PALM2AKAP2: variants seen among roughly 807,000 people sequenced by gnomAD.
The protein encoded by PALM2AKAP2 is PALM2 and AKAP2 fusion, also known as PALM2-AKAP2 fusion protein.
Under a neutral mutation model 71.5 loss-of-function variants are expected in PALM2AKAP2, and 37 were observed. The ratio of observed to expected loss-of-function variants is 0.52; its 90% CI spans 0.40 to 0.68. The LOEUF (loss-of-function observed/expected upper bound fraction) is 0.68. Among genes scored for constraint, PALM2AKAP2 ranks in the 30% least tolerant of loss-of-function variants. The pLI, the probability that PALM2AKAP2 is intolerant of heterozygous loss-of-function variation, is 0.00. For synonymous variants in PALM2AKAP2, 468 were observed against 478.8 expected, an observed-to-expected ratio of 0.98 and a Z score of 0.29; for missense variants, 1,224 against 1,191.8, an observed-to-expected ratio of 1.03 and a Z score of -0.40.
intron 3 of PALM2AKAP2, among the ~76,000 whole-genome samples, chr9:109,888,516 C>G (rs537913380): frequency 1.3e-5 from 2 of 151,990 alleles, no homozygotes; most frequent in Admixed American, 6.6e-5. Context: ...CGAGACCAGC[C>G]TGGCCAACAT....
chr9:109,878,883 G>A (rs9408825), intron 2 of PALM2AKAP2, among the ~76,000 whole-genome samples: 53,582 of 152,056 alleles, frequency 0.35, 10,136 homozygotes, highest in Non-Finnish European at 0.43. Context: ...GATTACAGGC[G>A]CATGCCATCA....
intron 1 of PALM2AKAP2, among the ~76,000 whole-genome samples, chr9:110,078,583 C>G (rs925442406): frequency 1.3e-5 from 2 of 152,146 alleles, no homozygotes; most frequent in Non-Finnish European, 2.9e-5. Flanking sequence ...TTCAGATATT[C>G]TTAGTGTTTG....
At chr9:110,053,849 A>G (rs966229367) in intron 1 of PALM2AKAP2, among the ~76,000 whole-genome samples, 1 of 152,192 alleles carries the variant, frequency 6.6e-6, no homozygotes, top group African/African-American at 2.4e-5. Flanking sequence ...AGGGAAGGAG[A>G]GAGACCTGTG....
intron 3 of PALM2AKAP2, among the ~76,000 whole-genome samples, chr9:109,910,739 G>A (rs1355732387): frequency 2.0e-5 from 3 of 151,812 alleles, no homozygotes; most frequent in South Asian, 2.1e-4. Flanking sequence ...GCAGCAGGGC[G>A]GTGAGGGCAG....
At chr9:110,035,294 A>G (rs1833364348) in intron 7 of PALM2AKAP2, among the ~76,000 whole-genome samples, 2 of 145,850 alleles carry the variant, frequency 1.4e-5, no homozygotes, top group Non-Finnish European at 3.0e-5. Flanking sequence ...TATTGTACAT[A>G]TGTATAATAC....
At chr9:109,797,242 G>A (rs1239502269) in intron 1 of PALM2AKAP2, among the ~76,000 whole-genome samples, 1 of 152,226 alleles carries the variant, frequency 6.6e-6, no homozygotes, top group African/African-American at 2.4e-5. Context: ...CATGGGAAGG[G>A]AAGCTTCTAG....
intron 6 of PALM2AKAP2, among the ~76,000 whole-genome samples, chr9:109,963,012 G>C (rs1831880323): frequency 6.6e-6 from 1 of 152,198 alleles, no homozygotes; most frequent in African/African-American, 2.4e-5. Flanking sequence ...ACTTGTGCTT[G>C]TGTACAATTG....
At chr9:110,014,779 CAAAAAAAAAAAAA>C (rs57087790) in intron 6 of PALM2AKAP2, among the ~76,000 whole-genome samples, 1 of 16,586 alleles carries the variant, frequency 6.0e-5, no homozygotes, top group Non-Finnish European at 9.7e-5. Context: ...TCCTCTGTCT[CAAAAAAAAAAAAA>C]AAAAAAAAAA....
intron 2 of PALM2AKAP2, among the ~76,000 whole-genome samples, chr9:110,140,138 T>G (rs1835990417): frequency 6.6e-6 from 1 of 152,228 alleles, no homozygotes; most frequent in Non-Finnish European, 1.5e-5. Flanking sequence ...AAACTTCATT[T>G]ATTTATGTCG....
At chr9:109,678,513 G>C (rs10512399) in intron 1 of PALM2AKAP2, among the ~76,000 whole-genome samples, 1 of 152,068 alleles carries the variant, frequency 6.6e-6, no homozygotes, top group Admixed American at 6.5e-5. Flanking sequence ...TTATATTCAA[G>C]GTGAGCGAAG....
chr9:110,061,163 T>C (rs530964335), intron 1 of PALM2AKAP2, among the ~76,000 whole-genome samples: 1 of 152,338 alleles, frequency 6.6e-6, no homozygotes, highest in Admixed American at 6.5e-5. Flanking sequence ...CCACAAGTTA[T>C]GCTTTTCAAA....
rs115628432 is a variant in PALM2AKAP2, at chr9:110,057,338, G to A, written c.156+8483G>A. On this transcript the variant is annotated intron_variant, in intron 1 of 3. Coordinates refer to ENST00000374525, the Ensembl canonical transcript of PALM2AKAP2. ...GGGTCCCACAGCTACATAATGTCAGGTCAGTTTTCCTACCCAGCTCCTTCT... is the reference window on the plus strand; with the variant it reads ...GGGTCCCACAGCTACATAATGTCAGATCAGTTTTCCTACCCAGCTCCTTCT... 8.0e-3 allele frequency among the ~76,000 whole-genome samples: 1,207 copies of A among 150,960 alleles called. 21 individuals carry two copies. Among genetic ancestry groups the A allele is most frequent in the African/African-American group, 0.028 (1,156 of 41,136 alleles).
chr9:110,074,719 T>C (rs1588092392), intron 1 of PALM2AKAP2, among the ~76,000 whole-genome samples: 1 of 152,260 alleles, frequency 6.6e-6, no homozygotes, highest in East Asian at 1.9e-4. Flanking sequence ...AAAGTCACCA[T>C]AGGCTGGGTG....
At chr9:110,026,218 T>G (rs1434582583) in intron 7 of PALM2AKAP2, among the ~76,000 whole-genome samples, 3 of 152,126 alleles carry the variant, frequency 2.0e-5, no homozygotes, top group African/African-American at 7.2e-5. Context: ...TAGCTGGGAC[T>G]ATAGGCGTGC....
upstream of PALM2AKAP2, among the ~76,000 whole-genome samples, chr9:110,043,711 TTGG>T (rs1833544248): frequency 7.1e-6 from 1 of 141,158 alleles, no homozygotes; most frequent in Non-Finnish European, 1.5e-5. Context: ...TACGTTTTTT[TTGG>T]TGTTTTTTTT....
At chr9:109,908,972 A>G (rs1364028782) in intron 3 of PALM2AKAP2, among the ~76,000 whole-genome samples, 1 of 152,234 alleles carries the variant, frequency 6.6e-6, no homozygotes, top group Non-Finnish European at 1.5e-5. Flanking sequence ...ATGAAAGCCC[A>G]GATGCTTCCT....
chr9:110,090,427 G>T (rs1230822400), intron 1 of PALM2AKAP2: 1 of 456,630 alleles, frequency 2.2e-6, no homozygotes, highest in East Asian at 6.9e-5. Context: ...GTAGGTCTCA[G>T]TTACTTTTAC....
intron 1 of PALM2AKAP2, among the ~76,000 whole-genome samples, chr9:109,717,724 TGAG>T (rs1828347249): frequency 6.6e-6 from 1 of 152,234 alleles, no homozygotes; most frequent in Non-Finnish European, 1.5e-5. Context: ...AGCCTTTCCC[TGAG>T]GAGAGCTTGC....
chr9:109,837,480 A>C (rs2131565829), intron 1 of PALM2AKAP2, among the ~76,000 whole-genome samples: 1 of 152,342 alleles, frequency 6.6e-6, no homozygotes, highest in Admixed American at 6.5e-5. Context: ...CTAACGAGCA[A>C]AATAACCAGC....
Sources: allele counts gnomAD v4.1 joint callset (sites outside exome capture counted in the v4.1 genomes callset), GRCh38; gene constraint gnomAD v4.1.1; transcripts MANE v1.5; gene names NCBI Gene and HGNC (gene_info 2026-07-23, HGNC 2026-07-21).